MEIS1: variants seen among roughly 807,000 people sequenced by gnomAD.
MEIS1 encodes homeobox protein Meis1.
Under a neutral mutation model 50.8 loss-of-function variants are expected in MEIS1, and 5 were observed. The observed-to-expected ratio is 0.10, with a 90% CI of 0.05 to 0.21. The LOEUF (loss-of-function observed/expected upper bound fraction) is 0.21, where lower values mean the gene tolerates loss of function less well. Among genes scored for constraint, MEIS1 ranks in the 10% least tolerant of loss-of-function variants. The probability of loss-of-function intolerance (pLI) is 1.00; values close to 1 mark genes in which losing one functional copy is unlikely to be tolerated. For missense variants in MEIS1, 318 were observed against 517.3 expected (o/e 0.61, Z 3.74); for synonymous variants, 176 against 179.3 (o/e 0.98, Z 0.15).
chr2:66,445,964 GGGCGCAAGC>G (rs1672132461), intron 6 of MEIS1, among the ~76,000 whole-genome samples: 1 of 152,160 alleles, frequency 6.6e-6, no homozygotes, highest in Non-Finnish European at 1.5e-5. Context: ...CCACTTTGGC[GGGCGCAAGC>G]CTCCTGGGCG....
At chr2:66,531,564 G>A (rs548797112) in intron 8 of MEIS1, among the ~76,000 whole-genome samples, 1 of 152,310 alleles carries the variant, frequency 6.6e-6, no homozygotes, top group African/African-American at 2.4e-5. Context: ...CCTGGTAGCT[G>A]GTGTATTGCG....
At chr2:66,498,136 G>C (rs553061687) in intron 7 of MEIS1, among the ~76,000 whole-genome samples, 2 of 152,162 alleles carry the variant, frequency 1.3e-5, no homozygotes, top group Non-Finnish European at 2.9e-5. Flanking sequence ...TTGGAGCTTT[G>C]AGTGGGGGAT....
Position 66,571,306 on chromosome 2 carries a change from G to T in MEIS1, c.*98G>T. 1 of 1,598,582 alleles carries T rather than the reference G, an allele frequency of 6.3e-7. No homozygotes were observed. The highest frequency in any genetic ancestry group is 1.3e-5 in the African/African-American group (1 of 74,592). On this transcript the variant is annotated 3_prime_UTR_variant, in exon 13 of 13. Coordinates refer to ENST00000272369, the MANE Select transcript of MEIS1 (RefSeq NM_002398.3). ...GGTGGTCCAATGGGTGTGAGTATGG[G>T]ACAGCCAAGTTATACCCAACCCCAG...
chr2:66,435,743 CTTTTTTTTTT>C lies in MEIS1; in HGVS notation c.-99_-90del, dbSNP rs70943697. On this transcript the variant is annotated 5_prime_UTR_variant, in exon 1 of 13. Coordinates refer to ENST00000272369, the MANE Select transcript of MEIS1 (RefSeq NM_002398.3). The stretch of plus-strand genomic sequence containing the variant: ...AGACGTTAAGGGATTTTTCGTCGTG[CTTTTTTTTTT>C]TTTTTTTTTTTTTTCCGGGGGAGTT... The C allele has an allele frequency of 9.2e-5, 31 of 336,466 alleles. No individual in the cohort carries two copies. The highest frequency in any genetic ancestry group is 3.6e-4 in the South Asian group (5 of 14,024). 20.8% of individuals were successfully genotyped at this position (336,466 alleles called of 1,614,324 possible).
intron 8 of MEIS1, among the ~76,000 whole-genome samples, chr2:66,514,847 G>A (rs1345731889): frequency 1.3e-5 from 2 of 152,126 alleles, no homozygotes; most frequent in East Asian, 3.9e-4. Context: ...CCCTTGTTTT[G>A]TAATCCTTCT....
chr2:66,459,942 C>T (rs944035397), intron 6 of MEIS1, among the ~76,000 whole-genome samples: 3 of 152,106 alleles, frequency 2.0e-5, no homozygotes, highest in Admixed American at 6.6e-5. Flanking sequence ...GAAATTCAGA[C>T]ACACACGTCT....
chr2:66,454,581 G>GTT (rs1345002527), intron 6 of MEIS1: 1 of 151,988 alleles, frequency 6.6e-6, no homozygotes, highest in Non-Finnish European at 1.5e-5. Flanking sequence ...ATTATACAAT[G>GTT]TTTTCTGCAT....
chr2:66,497,743 A>G (rs1224455675), intron 7 of MEIS1, among the ~76,000 whole-genome samples: 1 of 152,220 alleles, frequency 6.6e-6, no homozygotes, highest in African/African-American at 2.4e-5. Context: ...TAAGATGAAT[A>G]ACATAAAAAA....
At chr2:66,492,726 A>T (rs1438298412) in intron 7 of MEIS1, among the ~76,000 whole-genome samples, 1 of 152,220 alleles carries the variant, frequency 6.6e-6, no homozygotes, top group African/African-American at 2.4e-5. Context: ...ATTCTGATGC[A>T]CAGGTATTCC....
chr2:66,498,083 G>A (rs779994867), intron 7 of MEIS1, among the ~76,000 whole-genome samples: 10 of 152,230 alleles, frequency 6.6e-5, no homozygotes, highest in Middle Eastern at 3.4e-3. Context: ...TTCTAGGAAT[G>A]GGAATGGGAT....
chr2:66,481,114 C>A (rs1673005554), intron 7 of MEIS1, among the ~76,000 whole-genome samples: 1 of 152,132 alleles, frequency 6.6e-6, no homozygotes, highest in South Asian at 2.1e-4. Context: ...ATCCTGATCC[C>A]CTGCAGCAGG....
At chr2:66,541,356 CTT>C (rs1253808400) in intron 8 of MEIS1, among the ~76,000 whole-genome samples, 1 of 152,096 alleles carries the variant, frequency 6.6e-6, no homozygotes, top group Non-Finnish European at 1.5e-5. Flanking sequence ...GTATTGGTCT[CTT>C]ATAATTGGCT....
Position 66,449,383 on chromosome 2 carries a change from A to G in MEIS1, c.630+6335A>G, listed in dbSNP as rs150061907. On this transcript the variant is annotated intron_variant, in intron 6 of 12. Transcript: ENST00000272369. ...TTGAATATTTTGCCATCCTTAATGT[A>G]TACGAATAAACCATGGGTGTCTAAA... Among the ~76,000 whole-genome samples, 652 of 152,236 alleles carry G rather than the reference A, an allele frequency of 4.3e-3. 5 individuals carry two copies. Among genetic ancestry groups the G allele is most frequent in the African/African-American group, 0.015 (618 of 41,566 alleles).
intron 9 of MEIS1, among the ~76,000 whole-genome samples, chr2:66,560,398 C>G (rs1675182832): frequency 6.6e-6 from 1 of 151,220 alleles, no homozygotes; most frequent in Non-Finnish European, 1.5e-5. Flanking sequence ...TCAGCCTGGG[C>G]AACATAGTGA....
At chr2:66,462,087 T>C (rs1276677884) in intron 6 of MEIS1, among the ~76,000 whole-genome samples, 1 of 152,206 alleles carries the variant, frequency 6.6e-6, no homozygotes. Context: ...CATTAAAAGA[T>C]AGTGAATATA....
intron 9 of MEIS1, among the ~76,000 whole-genome samples, chr2:66,550,929 T>G (rs924884145): frequency 3.3e-5 from 5 of 152,216 alleles, no homozygotes; most frequent in African/African-American, 1.2e-4. Flanking sequence ...CATTTATTTA[T>G]CCACAACTTT....
chr2:66,440,526 C>G (rs752185211), intron 3 of MEIS1, 36 bp from the exon 4 acceptor site: 3 of 1,572,316 alleles, frequency 1.9e-6, no homozygotes, highest in Non-Finnish European at 2.6e-6. Flanking sequence ...TTTTTCTCTC[C>G]CCTCCCTCTC....
chr2:66,437,882 C>A lies in MEIS1; in HGVS notation c.158C>A (p.Thr53Lys), dbSNP rs1671840937. The change falls in exon 2 of 13, where the codon ACA becomes AAA. Residue 53 changes from threonine (T) to lysine (K), a missense_variant. Thr to Lys is a moderately conservative substitution (Grantham distance 78). Transcript: ENST00000272369. ...PPLHSHQYPHTAHTNAMAPSM... is the reference protein window; with the variant it reads ...PPLHSHQYPHKAHTNAMAPSM... ...CTGCACTCGCATCAGTACCCGCACACAGCTCATACCAACGCCATGGCCCCC... is the reference window on the plus strand; with the variant it reads ...CTGCACTCGCATCAGTACCCGCACAAAGCTCATACCAACGCCATGGCCCCC... The A allele has an allele frequency of 6.2e-7, 1 of 1,611,768 alleles. No individual in the cohort carries two copies.
intron 9 of MEIS1, among the ~76,000 whole-genome samples, chr2:66,551,410 A>G (rs1261463815): frequency 2.0e-5 from 3 of 152,162 alleles, no homozygotes; most frequent in Non-Finnish European, 4.4e-5. Flanking sequence ...GAAAATCTGG[A>G]AAAAAGAAAA....
Sources: gnomAD v4.1 joint callset for allele counts (sites outside exome capture counted in the v4.1 genomes callset) on GRCh38, gnomAD v4.1.1 for gene constraint, MANE v1.5 for transcripts, NCBI Gene and HGNC (gene_info 2026-07-23, HGNC 2026-07-21) for gene names.